The following SPMAP1 variants were observed in gnomAD, a reference collection of about 807,000 sequenced individuals.
SPMAP1 encodes the protein uncharacterized protein C17orf98.
chr17:38,840,025 A>G, the SPMAP1 span, among the ~76,000 whole-genome samples: 1 of 152,166 alleles, frequency 6.6e-6, no homozygotes, highest in African/African-American at 2.4e-5. Flanking sequence ...TGGGGGAAAA[A>G]TTGAACCATC....
chr17:38,835,498 G>C, the SPMAP1 span: 1 of 814,832 alleles, frequency 1.2e-6, no homozygotes, highest in Non-Finnish European at 1.9e-6. Flanking sequence ...GAGACTCTGG[G>C]CTGAAAAGCC....
the SPMAP1 span, chr17:38,841,312 G>A: frequency 6.2e-7 from 1 of 1,614,202 alleles, no homozygotes; most frequent in Non-Finnish European, 8.5e-7. Flanking sequence ...CATAAGCGCG[G>A]GCAGCGGTGC....
At chr17:38,837,077 C>A in the SPMAP1 span, 1 of 1,154,132 alleles carries the variant, frequency 8.7e-7, no homozygotes, top group Non-Finnish European at 1.3e-6. Context: ...TGCCTCTTCC[C>A]CTCAACCAGG....
the SPMAP1 span, among the ~76,000 whole-genome samples, chr17:38,838,135 G>A: frequency 6.6e-5 from 10 of 151,828 alleles, no homozygotes; most frequent in Admixed American, 6.6e-5. Flanking sequence ...CACCCGCCTC[G>A]GCCTCCCAAA....
At chr17:38,836,009 G>A in the SPMAP1 span, among the ~76,000 whole-genome samples, 1 of 152,038 alleles carries the variant, frequency 6.6e-6, no homozygotes, top group Admixed American at 6.6e-5. Flanking sequence ...CTGCCTCCCG[G>A]GTTCAAGAGA....
the SPMAP1 span, chr17:38,835,232 C>T: frequency 6.2e-7 from 1 of 1,614,220 alleles, no homozygotes; most frequent in Non-Finnish European, 8.5e-7. Flanking sequence ...GACGGACGTG[C>T]TCTGACGGAG....
chr17:38,837,258 A>C, the SPMAP1 span: 1 of 1,561,906 alleles, frequency 6.4e-7, no homozygotes, highest in Non-Finnish European at 8.8e-7. Flanking sequence ...TGGGCAAGAG[A>C]AAGTGGGCAA....
chr17:38,837,707 GA>G, the SPMAP1 span, among the ~76,000 whole-genome samples: 1 of 150,878 alleles, frequency 6.6e-6, no homozygotes, highest in Admixed American at 6.6e-5. Flanking sequence ...AAAAGAAAAA[GA>G]AAAAGAAGAA....
At chr17:38,841,044 A>G in the SPMAP1 span, 2 of 594,540 alleles carry the variant, frequency 3.4e-6, no homozygotes, top group South Asian at 3.1e-5. Flanking sequence ...TTTGTCTCAA[A>G]ATAATAATAA....
the SPMAP1 span, chr17:38,836,993 T>G: frequency 9.1e-6 from 6 of 656,748 alleles, no homozygotes; most frequent in Non-Finnish European, 1.7e-5. Flanking sequence ...TGGTGCTTAT[T>G]AACTAATATT....
At chr17:38,838,586 C>T in the SPMAP1 span, among the ~76,000 whole-genome samples, 7 of 150,532 alleles carry the variant, frequency 4.7e-5, no homozygotes, top group African/African-American at 1.5e-4. Context: ...GGCAATAGGG[C>T]GAGACTCCAC....
the SPMAP1 span, chr17:38,837,274 C>CT: frequency 7.0e-7 from 1 of 1,435,270 alleles, no homozygotes; most frequent in South Asian, 1.1e-5. Flanking sequence ...GGCAAGAACA[C>CT]TGTCAGCCAC....
At chr17:38,837,722 A>T in the SPMAP1 span, among the ~76,000 whole-genome samples, 2 of 151,796 alleles carry the variant, frequency 1.3e-5, no homozygotes, top group African/African-American at 2.4e-5. Flanking sequence ...AGAAGAACCT[A>T]TTGCCTCTCC....
chr17:38,837,494 T>C, the SPMAP1 span, among the ~76,000 whole-genome samples: 5 of 152,148 alleles, frequency 3.3e-5, no homozygotes, highest in Middle Eastern at 3.4e-3. Flanking sequence ...CTTGCCAACA[T>C]GGTGAAACCC....
the SPMAP1 span, chr17:38,841,426 G>A: frequency 0.23 from 366,051 of 1,596,486 alleles, 42,873 homozygotes; most frequent in Admixed American, 0.34. Flanking sequence ...TTTCTGGTGG[G>A]GGATGAGGAC....
At chr17:38,836,321 G>T in the SPMAP1 span, among the ~76,000 whole-genome samples, 9 of 151,968 alleles carry the variant, frequency 5.9e-5, no homozygotes, top group Non-Finnish European at 1.0e-4. Context: ...GGTGAAAAGT[G>T]CCCAACAAAT....
the SPMAP1 span, among the ~76,000 whole-genome samples, chr17:38,836,555 G>C: frequency 6.7e-6 from 1 of 149,452 alleles, no homozygotes; most frequent in South Asian, 2.1e-4. Flanking sequence ...AGTAGTAATT[G>C]TGCTACTGCA....
chr17:38,836,895 G>A, the SPMAP1 span, among the ~76,000 whole-genome samples: 13 of 151,590 alleles, frequency 8.6e-5, no homozygotes, highest in South Asian at 1.0e-3. Flanking sequence ...GCACCTGTCC[G>A]TGCTACTGCA....
chr17:38,837,264 G>A, the SPMAP1 span: 4 of 1,516,198 alleles, frequency 2.6e-6, no homozygotes. Flanking sequence ...AGAGAAAGTG[G>A]GCAAGAACAC....
Sources: gnomAD v4.1 joint callset for allele counts (sites outside exome capture counted in the v4.1 genomes callset) on GRCh38, gnomAD v4.1.1 for gene constraint, MANE v1.5 for transcripts, NCBI Gene and HGNC (gene_info 2026-07-23, HGNC 2026-07-21) for gene names.